Variants in GRM4 observed in about 807,000 individuals in gnomAD.
The protein encoded by GRM4 is glutamate metabotropic receptor 4, also known as metabotropic glutamate receptor 4.
In GRM4, 28 loss-of-function variants were observed where a neutral mutation model predicts 81.7. That is an observed-to-expected ratio of 0.34 (90% CI 0.25 to 0.47). GRM4 has a LOEUF of 0.47. Among genes scored for constraint, GRM4 ranks in the 20% least tolerant of loss-of-function variants. GRM4 has a pLI of 1.00. For synonymous variants in GRM4, 488 were observed against 528.8 expected (o/e 0.92, Z 1.06); for missense variants, 948 against 1,290.0 (o/e 0.73, Z 4.06).
chr6:34,155,564 T>A (rs2127522704), exon 1 of GRM4: 1 of 491,900 alleles, frequency 2.0e-6, no homozygotes, highest in African/African-American at 2.0e-5. Context: ...CTCGCCATGT[T>A]GCCCAGGCTG....
chr6:34,090,144 C>T lies in GRM4; in HGVS notation c.736+1739G>A, dbSNP rs1423660685. On this transcript the variant is annotated intron_variant, in intron 3 of 10. Transcript: ENST00000538487. The surrounding 1 kb of genome is among the most constrained non-coding windows in gnomAD (Gnocchi z 5.2). ...GGGCAGGAAGGACTGCCCAGGACAG[C>T]AGGTGCTGGGCACAGAGGGAGGCCT... is the stretch of plus-strand genomic sequence containing the variant. 6.6e-6 allele frequency among the ~76,000 whole-genome samples: 1 copy of T among 152,180 alleles called. No individual in the cohort carries two copies. The highest frequency in any genetic ancestry group is 1.5e-5 in the Non-Finnish European group (1 of 68,022).
chr6:34,078,111 G>C lies in GRM4; in HGVS notation c.736+13772C>G, dbSNP rs542181536. On this transcript the variant is annotated intron_variant, in intron 3 of 10. Transcript: ENST00000538487. This position sits in a 1 kb window ranked among gnomAD's most constrained non-coding sequence, Gnocchi z 4.8. ...CGTGGAGCTGACATCCATCTATGAA[G>C]CCAACAATAGGGATGAAAGAATGAA... 7.3e-4 allele frequency among the ~76,000 whole-genome samples: 111 copies of C among 152,276 alleles called. No individual in the cohort carries two copies. Among genetic ancestry groups the C allele is most frequent in the African/African-American group, 2.6e-3 (108 of 41,554 alleles).
intron 1 of GRM4, among the ~76,000 whole-genome samples, chr6:34,139,989 G>A (rs1205304283): frequency 3.3e-5 from 5 of 152,326 alleles, no homozygotes; most frequent in East Asian, 3.9e-4. Flanking sequence ...GTCCCAAAGC[G>A]GGTGGGCACA....
chr6:34,145,769 T>C (rs1008713880), intron 1 of GRM4, among the ~76,000 whole-genome samples: 26 of 152,166 alleles, frequency 1.7e-4, no homozygotes, highest in African/African-American at 6.3e-4. Context: ...AAGTTTGCGC[T>C]GAAAGTGCGG....
intron 3 of GRM4, among the ~76,000 whole-genome samples, chr6:34,079,268 G>A (rs893358756): frequency 2.0e-5 from 3 of 152,160 alleles, no homozygotes; most frequent in African/African-American, 4.8e-5. Flanking sequence ...AGGCAGGCAT[G>A]CAGCCAGGAC....
In GRM4 at chr6:34,059,232, C is replaced by G; in HGVS notation, c.873-104G>C. The G allele has an allele frequency of 9.8e-7, 1 of 1,023,194 alleles. No homozygotes were observed. Among genetic ancestry groups the G allele is most frequent in the Non-Finnish European group, 1.5e-6 (1 of 680,672 alleles). 63.4% of individuals were successfully genotyped at this position (1,023,194 alleles called of 1,614,324 possible). ...GCCCACGTCCCTCACCCCCAGAAGC[C>G]CAGGGTCCACAACTGTCCCAGCACC... On this transcript the variant is annotated intron_variant, in intron 4 of 10. Transcript: ENST00000538487. The surrounding 1 kb of genome is among the most constrained non-coding windows in gnomAD (Gnocchi z 5.7).
At position 34,036,549 on chromosome 6, in the gene GRM4, T is replaced by C; in HGVS notation, c.1561A>G (p.Ser521Gly). Residue 521 changes from serine (S) to glycine (G), a missense_variant, in exon 9 of 11, where the codon AGC becomes GGC. By Grantham distance (56) the Ser-to-Gly change is moderately conservative (BLOSUM62 0). Coordinates refer to ENST00000538487, the MANE Select transcript of GRM4 (RefSeq NM_000841.4). This position sits in a 1 kb window ranked among gnomAD's most constrained non-coding sequence, Gnocchi z 9.0. ...CGCTCACCCGGTTGGCAGGGCAGGCTGCAGATGGAGCGGGGCAGCTGCTGC... is the reference window on the plus strand; with the variant it reads ...CGCTCACCCGGTTGGCAGGGCAGGCCGCAGATGGAGCGGGGCAGCTGCTGC... Reference protein sequence around the residue: ...SGQQLPRSICSLPCQPGERKK... With the variant: ...SGQQLPRSICGLPCQPGERKK... The C allele has an allele frequency of 6.2e-7, 1 of 1,608,732 alleles. No homozygotes were observed. The highest frequency in any genetic ancestry group is 1.3e-5 in the African/African-American group (1 of 74,990).
At chr6:34,103,386 A>G (rs547180483) in intron 2 of GRM4, among the ~76,000 whole-genome samples, 19 of 152,282 alleles carry the variant, frequency 1.2e-4, no homozygotes, top group Non-Finnish European at 2.6e-4. Context: ...CTGGAGAAGA[A>G]TAGTGGGTAC....
chr6:34,142,782 C>T (rs192232863), intron 1 of GRM4, among the ~76,000 whole-genome samples: 196 of 152,318 alleles, frequency 1.3e-3, no homozygotes, highest in African/African-American at 4.5e-3. Flanking sequence ...ACGCCTCCAA[C>T]GGAATGAAGC....
At chr6:34,126,090 T>C (rs1031716128) in intron 2 of GRM4, among the ~76,000 whole-genome samples, 1 of 152,146 alleles carries the variant, frequency 6.6e-6, no homozygotes, top group Non-Finnish European at 1.5e-5. Context: ...ATGCAGTAAG[T>C]AAGCATCAGG....
chr6:34,119,445 A>T (rs192378803), intron 2 of GRM4, among the ~76,000 whole-genome samples: 2 of 152,318 alleles, frequency 1.3e-5, no homozygotes, highest in Admixed American at 6.5e-5. Flanking sequence ...GACCTGCTAC[A>T]TGAGGCCAGG....
chr6:34,026,863 C>T (rs1764158435), intron 10 of GRM4, among the ~76,000 whole-genome samples: 1 of 152,230 alleles, frequency 6.6e-6, no homozygotes, highest in South Asian at 2.1e-4. Flanking sequence ...GACAGACCTG[C>T]TCCTGCACGC....
intron 1 of GRM4, among the ~76,000 whole-genome samples, chr6:34,151,718 C>T (rs920734866): frequency 4.9e-5 from 7 of 143,554 alleles, no homozygotes; most frequent in African/African-American, 1.8e-4. Flanking sequence ...CCCACCCCCA[C>T]CCCACCCATC....
At chr6:34,106,768 C>T (rs987186586) in intron 2 of GRM4, among the ~76,000 whole-genome samples, 3 of 152,240 alleles carry the variant, frequency 2.0e-5, no homozygotes, top group African/African-American at 7.2e-5. Flanking sequence ...ACTGCTAGAG[C>T]CCCAGGACTT....
chr6:34,081,265 C>T (rs1733735769), intron 3 of GRM4, among the ~76,000 whole-genome samples: 1 of 152,256 alleles, frequency 6.6e-6, no homozygotes, highest in Admixed American at 6.5e-5. Flanking sequence ...AAAGTGGGGA[C>T]AATGCTCAGG....
intron 2 of GRM4, among the ~76,000 whole-genome samples, chr6:34,119,175 C>T (rs1419675498): frequency 2.0e-5 from 3 of 152,154 alleles, no homozygotes; most frequent in African/African-American, 7.2e-5. Context: ...GCGGGTGGAT[C>T]ATTTGAGGTC....
chr6:34,038,029 G>C (rs1299886383), intron 8 of GRM4, among the ~76,000 whole-genome samples: 1 of 152,220 alleles, frequency 6.6e-6, no homozygotes, highest in East Asian at 1.9e-4. Flanking sequence ...AAGGACAAGT[G>C]CCACCTGTCC....
At position 34,047,947 on chromosome 6, in the gene GRM4, T is replaced by A. The variant is rs751072402; in HGVS notation, c.1169-7199A>T. On this transcript the variant is annotated intron_variant, in intron 6 of 10. Coordinates refer to ENST00000538487, the MANE Select transcript of GRM4 (RefSeq NM_000841.4). The surrounding 1 kb of genome is among the most constrained non-coding windows in gnomAD (Gnocchi z 4.5). Reference sequence around the variant, plus strand: ...AACCATTCTTGCAAACCCTCAAGAATATGACCCCAGCAAAAAAACACTAAG... The same window carrying A: ...AACCATTCTTGCAAACCCTCAAGAAAATGACCCCAGCAAAAAAACACTAAG... Among the ~76,000 whole-genome samples the A allele has an allele frequency of 2.0e-5, 3 of 152,046 alleles. No homozygotes were observed. Among genetic ancestry groups the A allele is most frequent in the Non-Finnish European group, 4.4e-5 (3 of 68,014 alleles).
rs768248007 is a variant in GRM4, at chr6:34,110,718, G to A, written c.520-18619C>T. On this transcript the variant is annotated intron_variant, in intron 2 of 10. Coordinates refer to ENST00000538487, the MANE Select transcript of GRM4 (RefSeq NM_000841.4). ...TGCCTCAGCCTCCCCGCTGTGCCGG[G>A]GTGCTGGGCTGGTAGCACCTGCAGC... The A allele has an allele frequency of 6.6e-6, 10 of 1,518,468 alleles. No individual in the cohort carries two copies. In the South Asian group the frequency reaches 1.1e-4, roughly 17 times the overall value. 94.1% of individuals were successfully genotyped at this position (1,518,468 alleles called of 1,614,324 possible).
Sources: gnomAD v4.1 joint callset for allele counts (sites outside exome capture counted in the v4.1 genomes callset) on GRCh38, gnomAD v4.1.1 for gene constraint, Gnocchi (gnomAD v3.1) non-coding constraint, MANE v1.5 for transcripts, NCBI Gene and HGNC (gene_info 2026-07-23, HGNC 2026-07-21) for gene names.